Variants in RBMS3 observed in about 807,000 individuals in gnomAD.
The protein encoded by RBMS3 is RNA-binding motif, single-stranded-interacting protein 3.
RBMS3 carries 27 observed loss-of-function variants against 66.8 expected under a neutral mutation model. The ratio of observed to expected loss-of-function variants is 0.40; its 90% CI spans 0.30 to 0.56. The LOEUF is 0.56. Ranked by LOEUF, RBMS3 falls within the 20% of genes least tolerant of loss-of-function variation. The pLI, the probability that RBMS3 is intolerant of heterozygous loss-of-function variation, is 0.40. For synonymous variants in RBMS3, 188 were observed against 183.0 expected (o/e 1.03, Z -0.22); for missense variants, 513 against 549.5 (o/e 0.93, Z 0.66).
At chr3:29,536,382 A>C (rs1294097323) in intron 3 of RBMS3, among the ~76,000 whole-genome samples, 1 of 152,002 alleles carries the variant, frequency 6.6e-6, no homozygotes, top group Non-Finnish European at 1.5e-5. Flanking sequence ...CAGACTGGCC[A>C]AAAAAAATTT....
At chr3:29,786,983 G>T (rs554328819) in intron 6 of RBMS3, among the ~76,000 whole-genome samples, 1 of 152,046 alleles carries the variant, frequency 6.6e-6, no homozygotes, top group South Asian at 2.1e-4. Flanking sequence ...AAATCAGCAA[G>T]AAAGAAACAA....
chr3:29,596,436 A>G (rs1225106199), intron 4 of RBMS3, among the ~76,000 whole-genome samples: 1 of 152,232 alleles, frequency 6.6e-6, no homozygotes, highest in Non-Finnish European at 1.5e-5. Context: ...AAACGGATGC[A>G]GGGAATAAAG....
intron 4 of RBMS3, among the ~76,000 whole-genome samples, chr3:29,600,075 AATG>A (rs1468357517): frequency 4.6e-5 from 7 of 152,152 alleles, no homozygotes; most frequent in African/African-American, 1.7e-4. Context: ...CAAATAGAGT[AATG>A]ATATTTTGAT....
At chr3:29,356,717 T>C (rs1418403749) in intron 1 of RBMS3, among the ~76,000 whole-genome samples, 2 of 152,158 alleles carry the variant, frequency 1.3e-5, no homozygotes, top group African/African-American at 4.8e-5. Context: ...CTAAATAATA[T>C]TTACTGTGAA....
chr3:29,999,605 G>C lies in RBMS3; in HGVS notation c.1308-4251G>C, dbSNP rs144291361. ...AAAAAATGATGAGTTCATGTCCTTTGTAGGGACATGGATGAAACTGGAAAC... is the reference window on the plus strand; with the variant it reads ...AAAAAATGATGAGTTCATGTCCTTTCTAGGGACATGGATGAAACTGGAAAC... On this transcript the variant is annotated intron_variant, in intron 14 of 14. Coordinates refer to ENST00000383767, the MANE Select transcript of RBMS3 (RefSeq NM_001003793.3). Among the ~76,000 whole-genome samples the C allele has an allele frequency of 3.7e-3, 556 of 152,254 alleles. 21 individuals are homozygous for C. The East Asian group carries it at 0.072, about 20-fold the overall frequency.
At chr3:29,933,432 T>C (rs934662688) in intron 10 of RBMS3, among the ~76,000 whole-genome samples, 1 of 152,018 alleles carries the variant, frequency 6.6e-6, no homozygotes, top group Non-Finnish European at 1.5e-5. Flanking sequence ...CTCTAAGTTG[T>C]CTGTCCCAGA....
At chr3:29,654,599 C>CT (rs373340245) in intron 4 of RBMS3, among the ~76,000 whole-genome samples, 4,954 of 121,118 alleles carry the variant, frequency 0.041, 131 homozygotes, top group African/African-American at 0.058. Context: ...GACTTTTAAA[C>CT]TTTTTTTTTT....
intron 3 of RBMS3, among the ~76,000 whole-genome samples, chr3:29,557,510 G>A (rs568582858): frequency 5.3e-4 from 81 of 152,324 alleles, no homozygotes; most frequent in Middle Eastern, 3.4e-3. Context: ...CTTAGTAGGA[G>A]CATTTGCTTG....
At chr3:29,540,492 G>T (rs1207030013) in intron 3 of RBMS3, among the ~76,000 whole-genome samples, 1 of 152,124 alleles carries the variant, frequency 6.6e-6, no homozygotes, top group African/African-American at 2.4e-5. Flanking sequence ...ATCCTGGATA[G>T]TATCTAGAAT....
chr3:29,545,196 A>G (rs142210334), intron 3 of RBMS3, among the ~76,000 whole-genome samples: 3,276 of 152,258 alleles, frequency 0.022, 65 homozygotes, highest in Non-Finnish European at 0.036. Flanking sequence ...ATATGTACTG[A>G]TGTAGTATAA....
At chr3:29,558,753 G>C (rs950933937) in intron 3 of RBMS3, among the ~76,000 whole-genome samples, 2 of 152,150 alleles carry the variant, frequency 1.3e-5, no homozygotes, top group African/African-American at 4.8e-5. Context: ...CTATTTATAT[G>C]CTGGGCTCTA....
At chr3:29,416,890 C>G (rs1475455399) in intron 1 of RBMS3, among the ~76,000 whole-genome samples, 1 of 152,102 alleles carries the variant, frequency 6.6e-6, no homozygotes, top group Admixed American at 6.6e-5. Context: ...TCCTAACCTT[C>G]CTACCATTCT....
chr3:29,968,916 G>A (rs1044284015), intron 12 of RBMS3, among the ~76,000 whole-genome samples: 1 of 152,008 alleles, frequency 6.6e-6, no homozygotes, highest in Non-Finnish European at 1.5e-5. Flanking sequence ...AATTTCACAC[G>A]CTGTGATGGA....
intron 5 of RBMS3, among the ~76,000 whole-genome samples, chr3:29,745,792 G>A (rs965247374): frequency 1.3e-5 from 2 of 151,734 alleles, no homozygotes; most frequent in South Asian, 4.2e-4. Flanking sequence ...ATGGAGCTTT[G>A]TTTGAATGAC....
intron 3 of RBMS3, among the ~76,000 whole-genome samples, chr3:29,527,181 TA>T (rs538907247): frequency 0.015 from 1,272 of 87,522 alleles, 30 homozygotes; most frequent in African/African-American, 0.054. Flanking sequence ...TTAGGTAGAG[TA>T]AAAAAAAAAA....
rs187298554 is a variant in RBMS3, at chr3:29,909,595, G to T, written c.939+9840G>T. ...GAATCTTTTGAAATACAAAAAATATGCTTTAATACATTTTTTAAATTCTCA... is the reference window on the plus strand; with the variant it reads ...GAATCTTTTGAAATACAAAAAATATTCTTTAATACATTTTTTAAATTCTCA... On this transcript the variant is annotated intron_variant, in intron 10 of 14. Transcript: ENST00000383767. Among the ~76,000 whole-genome samples the T allele has an allele frequency of 2.2e-3, 339 of 152,160 alleles. 2 individuals are homozygous for T. Among genetic ancestry groups the T allele is most frequent in the Non-Finnish European group, 2.8e-3 (193 of 68,002 alleles).
At chr3:29,678,314 A>T (rs1283382382) in intron 4 of RBMS3, among the ~76,000 whole-genome samples, 2 of 152,224 alleles carry the variant, frequency 1.3e-5, no homozygotes, top group Admixed American at 1.3e-4. Flanking sequence ...AAATTTGAAA[A>T]TAATTGAAAA....
chr3:29,691,950 T>TC lies in RBMS3; in HGVS notation c.400-47770_400-47769insC, dbSNP rs1491449986. On this transcript the variant is annotated intron_variant, in intron 4 of 14. Transcript: ENST00000383767. ...TGACCCTTCTCTCTCTCTCTCTCTA[T>TC]TTTTTTTTTTTTTTTTTGAGATGGA... Among the ~76,000 whole-genome samples, 65 of 110,792 alleles carry TC rather than the reference T, an allele frequency of 5.9e-4. 1 individual carries two copies. The highest frequency in any genetic ancestry group is 1.8e-3 in the African/African-American group (50 of 27,904). 72.7% of individuals were successfully genotyped at this position (110,792 alleles called of 152,430 possible).
chr3:29,779,008 C>T (rs943851554), intron 6 of RBMS3, among the ~76,000 whole-genome samples: 2 of 151,748 alleles, frequency 1.3e-5, no homozygotes, highest in African/African-American at 4.8e-5. Context: ...ATATTAATAT[C>T]CTGTATTGGG....
Sources: allele counts gnomAD v4.1 joint callset (sites outside exome capture counted in the v4.1 genomes callset), GRCh38; gene constraint gnomAD v4.1.1; transcripts MANE v1.5; gene names NCBI Gene and HGNC (gene_info 2026-07-23, HGNC 2026-07-21).